The following RNF166 variants were observed in gnomAD, a reference collection of about 807,000 sequenced individuals.
RNF166 encodes the protein ring finger protein 166.
A neutral mutation model predicts 29.4 loss-of-function variants in RNF166; 19 were observed. That is an observed-to-expected ratio of 0.65 (90% confidence interval 0.45 to 0.95). RNF166 has a LOEUF of 0.95. Among genes scored for constraint, RNF166 ranks in the 40% least tolerant of loss-of-function variants. The probability of loss-of-function intolerance (pLI) is 0.00; values close to 1 mark genes in which losing one functional copy is unlikely to be tolerated. For missense variants in RNF166, 347 were observed against 322.1 expected (o/e 1.08, Z -0.59); for synonymous variants, 171 against 134.5 (o/e 1.27, Z -1.88).
chr16:88,699,765 C>T, intron 2 of RNF166, 33 bp from the exon 3 acceptor site: 1 of 1,552,894 alleles, frequency 6.4e-7, no homozygotes, highest in Non-Finnish European at 8.8e-7. Flanking sequence ...CAAGGCGGTC[C>T]TGAGAATCTG....
At chr16:88,701,527 A>G (rs7196734) in intron 1 of RNF166, 109 bp from the exon 2 acceptor site, 57,862 of 1,066,192 alleles carry the variant, frequency 0.054, 2,117 homozygotes, top group African/African-American at 0.14. Context: ...CCACAGGGGC[A>G]GCTCCCCCTA....
At position 88,701,411 on chromosome 16, in the gene RNF166, C is replaced by T. The variant is rs767999357; in HGVS notation, c.163G>A (p.Gly55Arg). 2.9e-5 allele frequency: 47 copies of T among 1,594,486 alleles called. No individual in the cohort carries two copies. The highest frequency in any genetic ancestry group is 3.6e-5 in the Non-Finnish European group (42 of 1,171,826). ...TGCAGGCAGGGCTGGAGACACTCCC[C>T]GCAGAACCTGCAGGGCACAGGGGCC... is the stretch of plus-strand genomic sequence containing the variant. ...AIGSCGHTFC[G>R]ECLQPCLQVP... The change falls in exon 2 of 6, where the codon GGG (glycine) becomes AGG (arginine). Residue 55 changes from glycine (G) to arginine (R), a missense_variant. Gly to Arg is a moderately radical substitution (Grantham distance 125, BLOSUM62 -2). Transcript: ENST00000312838.
intron 1 of RNF166, among the ~76,000 whole-genome samples, chr16:88,705,036 G>A (rs1019491056): frequency 3.3e-5 from 5 of 152,182 alleles, no homozygotes; most frequent in Admixed American, 2.0e-4. Flanking sequence ...AAAATGTCAC[G>A]GCTAAGTGAG....
At chr16:88,703,753 C>T (rs539467178) in intron 1 of RNF166, 122 of 985,508 alleles carry the variant, frequency 1.2e-4, no homozygotes, top group Admixed American at 1.8e-4. Flanking sequence ...GAGGGGCGAT[C>T]GCGCACTGGC....
chr16:88,706,250 CG>C lies in RNF166; in HGVS notation c.75del (p.Ser25ArgfsTer81). 7.7e-7 allele frequency: 1 copy of C among 1,305,466 alleles called. No individual in the cohort carries two copies. The highest frequency in any genetic ancestry group is 1.9e-5 in the South Asian group (1 of 53,322). 80.9% of individuals were successfully genotyped at this position (1,305,466 alleles called of 1,614,324 possible). ...QPPAGPAGGD[S>X]GLEAQYTCPI... ...GGGCAGGTGTACTGCGCCTCCAGGC[CG>C]CTGTCGCCGCCCGCCGGCCCGGCCG... On this transcript the variant is annotated frameshift_variant, in exon 1 of 6. Transcript: ENST00000312838. LOFTEE classifies it high-confidence loss of function.
rs531432851 is a variant in RNF166, at chr16:88,703,337, G to T, written c.156-1919C>A. On this transcript the variant is annotated intron_variant, in intron 1 of 5. Transcript: ENST00000312838. ...CTGAGCTGCCAGAGACCAGGCCGGGGCTCGGCTGCACAGCACGGCCACGGG... is the reference window on the plus strand; with the variant it reads ...CTGAGCTGCCAGAGACCAGGCCGGGTCTCGGCTGCACAGCACGGCCACGGG... The T allele has an allele frequency of 1.6e-4, 159 of 985,494 alleles. No individual in the cohort carries two copies. In the African/African-American group the frequency reaches 2.6e-3, roughly 16 times the overall value. 61.0% of individuals were successfully genotyped at this position (985,494 alleles called of 1,614,324 possible). A position where few individuals can be genotyped will look rare whatever the true frequency, so the allele number is the denominator to read the frequency against.
Position 88,702,320 on chromosome 16 carries a change from G to C in RNF166, c.156-902C>G, listed in dbSNP as rs548390475. Among the ~76,000 whole-genome samples the C allele has an allele frequency of 3.7e-4, 57 of 152,324 alleles. 1 individual carries two copies. The South Asian group carries it at 7.7e-3, about 20-fold the overall frequency. On this transcript the variant is annotated intron_variant, in intron 1 of 5. Transcript: ENST00000312838. ...GTGGGGACAGCTGAGCTGCGGCGAG[G>C]AGCTGGAACTGAGGCAGAGCCCCCC...
At chr16:88,703,890 C>A in intron 1 of RNF166, 1 of 985,360 alleles carries the variant, frequency 1.0e-6, no homozygotes. Context: ...CAGCAAGCCC[C>A]ACAGCTGTCC....
chr16:88,705,397 G>T (rs1035247556), intron 1 of RNF166, among the ~76,000 whole-genome samples: 1 of 152,252 alleles, frequency 6.6e-6, no homozygotes, highest in African/African-American at 2.4e-5. Context: ...CTCAAGAGCT[G>T]TATTATTCAG....
At position 88,698,518 on chromosome 16, in the gene RNF166, G is replaced by A; in HGVS notation, c.632C>T (p.Ser211Phe). The change falls in exon 5 of 6, where the codon TCC (serine) becomes TTC (phenylalanine). Residue 211 changes from serine to phenylalanine, a missense_variant. Coordinates refer to ENST00000312838, the MANE Select transcript of RNF166 (RefSeq NM_178841.4). Reference sequence around the variant, plus strand: ...GATGCCTACCACAAAGGTGTCGTAGGAGAACTTGTGTCGGTGAAGCAGGTG... The same window carrying A: ...GATGCCTACCACAAAGGTGTCGTAGAAGAACTTGTGTCGGTGAAGCAGGTG... ...LQHLLHRHKF[S>F]YDTFVDYSID... The A allele has an allele frequency of 1.3e-6, 2 of 1,570,944 alleles. No individual in the cohort carries two copies. Among genetic ancestry groups the A allele is most frequent in the African/African-American group, 2.7e-5 (2 of 73,780 alleles).
chr16:88,702,163 C>G (rs1910310288), intron 1 of RNF166, among the ~76,000 whole-genome samples: 1 of 7,674 alleles, frequency 1.3e-4, no homozygotes, highest in Non-Finnish European at 4.1e-4. Flanking sequence ...CCCTCCCGCT[C>G]TGCAGACGCA....
At chr16:88,699,861 G>T in intron 2 of RNF166, 129 bp from the exon 3 acceptor site, 3 of 616,634 alleles carry the variant, frequency 4.9e-6, no homozygotes, top group Non-Finnish European at 8.5e-6. Context: ...GCAGCAGGGG[G>T]ACCCGGTCCC....
intron 1 of RNF166, among the ~76,000 whole-genome samples, chr16:88,705,110 G>T (rs946310019): frequency 6.6e-6 from 1 of 152,224 alleles, no homozygotes; most frequent in Admixed American, 6.5e-5. Context: ...CTGTCCCAGC[G>T]TGGGCAGGCG....
In RNF166 at chr16:88,697,578, G is replaced by A. The variant is rs1478225098; in HGVS notation, c.704C>T (p.Ser235Phe). The change falls in exon 6 of 6, where the codon TCT becomes TTT. Residue 235 changes from serine (S) to phenylalanine (F), a missense_variant. Physicochemically the swap from Ser to Phe is radical, Grantham distance 155. Coordinates refer to ENST00000312838, the MANE Select transcript of RNF166 (RefSeq NM_178841.4). ...TGGCTGCGCTTCCCTTCAGTTCTCA[G>A]AGAGAGACAGGGCCAGAGCAGCCTG... The part of the protein sequence containing the change: ...AFQAALALSL[S>F]EN 6.5e-7 allele frequency: 1 copy of A among 1,549,972 alleles called. No homozygotes were observed. The highest frequency in any genetic ancestry group is 8.7e-7 in the Non-Finnish European group (1 of 1,146,692).
At chr16:88,700,374 G>A (rs977629587) in intron 2 of RNF166, among the ~76,000 whole-genome samples, 1 of 149,124 alleles carries the variant, frequency 6.7e-6, no homozygotes, top group Non-Finnish European at 1.5e-5. Flanking sequence ...GCATGTGACC[G>A]GTTCTGATCC....
At chr16:88,699,188 G>T in intron 3 of RNF166, 103 bp from the exon 4 acceptor site, 2 of 847,526 alleles carry the variant, frequency 2.4e-6, no homozygotes, top group Non-Finnish European at 3.9e-6. Flanking sequence ...GCCCTCTGTA[G>T]GCTGCAAGAG....
chr16:88,702,116 C>A (rs561063715), intron 1 of RNF166, among the ~76,000 whole-genome samples: 1 of 152,208 alleles, frequency 6.6e-6, no homozygotes, highest in African/African-American at 2.4e-5. Flanking sequence ...GTGCGCACTC[C>A]GGGCTCCAGC....
chr16:88,697,277 G>A lies in RNF166; in HGVS notation c.*291C>T, dbSNP rs962271175. On this transcript the variant is annotated 3_prime_UTR_variant, in exon 6 of 6. Transcript: ENST00000312838. The stretch of plus-strand genomic sequence containing the variant: ...GGGGGTATCATGGCTTTGAAGAGAC[G>A]GCGGCAGCTCCAGGTCCCAGCGTCC... The A allele has an allele frequency of 1.8e-4, 52 of 293,522 alleles. No individual in the cohort carries two copies. Among genetic ancestry groups the A allele is most frequent in the Admixed American group, 9.4e-4 (19 of 20,242 alleles). 18.2% of individuals were successfully genotyped at this position (293,522 alleles called of 1,614,324 possible). A position where few individuals can be genotyped will look rare whatever the true frequency, so the allele number is the denominator to read the frequency against.
chr16:88,697,869 C>A, intron 5 of RNF166: 1 of 512,872 alleles, frequency 1.9e-6, no homozygotes. Context: ...TGGATGGCTG[C>A]TGGTTCAGGT....
Sources: allele counts gnomAD v4.1 joint callset (sites outside exome capture counted in the v4.1 genomes callset), GRCh38; gene constraint gnomAD v4.1.1; transcripts MANE v1.5; gene names NCBI Gene and HGNC (gene_info 2026-07-23, HGNC 2026-07-21).